Variants in WWC2 observed in about 807,000 individuals in gnomAD.
WWC2 encodes the protein protein WWC2.
WWC2 carries 101 observed loss-of-function variants against 138.5 expected under a neutral mutation model. The ratio of observed to expected loss-of-function variants is 0.73; its 90% CI spans 0.62 to 0.86. The LOEUF (loss-of-function observed/expected upper bound fraction) is 0.86. Among genes scored for constraint, WWC2 ranks in the 40% least tolerant of loss-of-function variants. The pLI, the probability that WWC2 is intolerant of heterozygous loss-of-function variation, is 0.00. For synonymous variants in WWC2, 558 were observed against 538.4 expected (o/e 1.04, Z -0.50); for missense variants, 1,420 against 1,419.4 (o/e 1.00, Z -0.01).
At chr4:183,252,290 T>C (rs1737002233) in intron 8 of WWC2, among the ~76,000 whole-genome samples, 1 of 152,260 alleles carries the variant, frequency 6.6e-6, no homozygotes, top group African/African-American at 2.4e-5. Flanking sequence ...AACGTTTTTC[T>C]GTAGAAACAT....
intron 1 of WWC2, among the ~76,000 whole-genome samples, chr4:183,133,695 C>T (rs1733015284): frequency 6.6e-6 from 1 of 152,160 alleles, no homozygotes; most frequent in Admixed American, 6.5e-5. Context: ...CGGGGTTTCA[C>T]CGTGTTGGCC....
At chr4:183,114,668 C>CT (rs72193297) in intron 1 of WWC2, among the ~76,000 whole-genome samples, 66,543 of 147,970 alleles carry the variant, frequency 0.45, 15,234 homozygotes, top group African/African-American at 0.57. Flanking sequence ...TGGAACATAC[C>CT]TTTTTTTTTT....
intron 5 of WWC2, among the ~76,000 whole-genome samples, chr4:183,242,437 C>G (rs1736651901): frequency 6.6e-6 from 1 of 152,120 alleles, no homozygotes; most frequent in South Asian, 2.1e-4. Flanking sequence ...TAGTTTTATA[C>G]TGGGTAGACA....
chr4:183,269,283 G>C, intron 15 of WWC2, 120 bp downstream of exon 15: 1 of 939,588 alleles, frequency 1.1e-6, no homozygotes, highest in South Asian at 1.6e-5. Flanking sequence ...CAACATCTTG[G>C]GATACATCTA....
chr4:183,192,818 C>A (rs1479754961), intron 1 of WWC2, among the ~76,000 whole-genome samples: 1 of 151,130 alleles, frequency 6.6e-6, no homozygotes, highest in Admixed American at 6.6e-5. Flanking sequence ...CTCCAGTAGC[C>A]AAGGAAAATC....
intron 1 of WWC2, among the ~76,000 whole-genome samples, chr4:183,103,412 C>T (rs1743244340): frequency 6.7e-6 from 1 of 149,074 alleles, no homozygotes; most frequent in South Asian, 2.1e-4. Flanking sequence ...CGGCTTACTG[C>T]GGCTCCCGGG....
At chr4:183,214,800 A>G (rs1447204437) in intron 4 of WWC2, among the ~76,000 whole-genome samples, 1 of 151,996 alleles carries the variant, frequency 6.6e-6, no homozygotes, top group Non-Finnish European at 1.5e-5. Context: ...AAAAAGAAAT[A>G]TGCCTTTGGA....
intron 21 of WWC2, among the ~76,000 whole-genome samples, chr4:183,300,635 A>G (rs1259633225): frequency 6.6e-6 from 1 of 152,184 alleles, no homozygotes; most frequent in Non-Finnish European, 1.5e-5. Context: ...TTGTGGAGAA[A>G]GATATAGGTA....
chr4:183,220,237 G>C (rs1314937962), intron 4 of WWC2, among the ~76,000 whole-genome samples: 4 of 152,112 alleles, frequency 2.6e-5, no homozygotes, highest in Admixed American at 2.6e-4. Context: ...CTAACACCCT[G>C]ATTTCAGCTT....
At chr4:183,269,991 G>T (rs1737648734) in intron 15 of WWC2, 1 of 152,544 alleles carries the variant, frequency 6.6e-6, no homozygotes, top group African/African-American at 2.4e-5. Context: ...GCTTTTCTCT[G>T]CAGTCCAGTG....
chr4:183,111,067 A>C (rs1388737090), intron 1 of WWC2, among the ~76,000 whole-genome samples: 1 of 152,004 alleles, frequency 6.6e-6, no homozygotes, highest in Non-Finnish European at 1.5e-5. Flanking sequence ...GTGAAACCCC[A>C]TCTCTACTAA....
chr4:183,212,300 A>C (rs1735620872), intron 4 of WWC2, among the ~76,000 whole-genome samples: 1 of 152,200 alleles, frequency 6.6e-6, no homozygotes, highest in South Asian at 2.1e-4. Flanking sequence ...TTATGAAGTC[A>C]TCATTCTATG....
At chr4:183,111,410 C>G (rs1732226808) in intron 1 of WWC2, among the ~76,000 whole-genome samples, 1 of 152,170 alleles carries the variant, frequency 6.6e-6, no homozygotes, top group Admixed American at 6.5e-5. Context: ...CATGTAGTTT[C>G]ATTTAGTGTG....
At chr4:183,166,730 T>C (rs545858259) in intron 1 of WWC2, among the ~76,000 whole-genome samples, 5 of 152,228 alleles carry the variant, frequency 3.3e-5, no homozygotes, top group African/African-American at 1.2e-4. Context: ...ATTACAGCCC[T>C]GGACCCTCAG....
At chr4:183,276,304 A>T (rs185216207) in intron 16 of WWC2, among the ~76,000 whole-genome samples, 1 of 151,960 alleles carries the variant, frequency 6.6e-6, no homozygotes, top group African/African-American at 2.4e-5. Flanking sequence ...TATTTAACTC[A>T]TTTACTTTTA....
rs76259635 is a variant in WWC2, at chr4:183,174,722, G to T, written c.132-18877G>T. 3.0e-4 allele frequency among the ~76,000 whole-genome samples: 46 copies of T among 152,068 alleles called. 1 individual carries two copies. In the East Asian group the frequency reaches 8.7e-3, roughly 29 times the overall value. On this transcript the variant is annotated intron_variant, in intron 1 of 22. Coordinates refer to ENST00000403733, the MANE Select transcript of WWC2 (RefSeq NM_024949.6). ...GAATGGACACCATTGTATATATCCTGCTCTTAGATCTGACAATTAACTTTT... is the reference window on the plus strand; with the variant it reads ...GAATGGACACCATTGTATATATCCTTCTCTTAGATCTGACAATTAACTTTT...
At chr4:183,309,485 CG>C (rs1739141720) in intron 21 of WWC2, among the ~76,000 whole-genome samples, 1 of 152,126 alleles carries the variant, frequency 6.6e-6, no homozygotes, top group African/African-American at 2.4e-5. Flanking sequence ...TATTTAACAT[CG>C]TATGTCAATA....
intron 1 of WWC2, among the ~76,000 whole-genome samples, chr4:183,183,380 A>T (rs1580024073): frequency 6.6e-6 from 1 of 151,684 alleles, no homozygotes; most frequent in Non-Finnish European, 1.5e-5. Context: ...TTTTTTTAAC[A>T]CTGCCAAATT....
chr4:183,203,325 A>AC (rs1735354077), intron 2 of WWC2, among the ~76,000 whole-genome samples: 1 of 151,814 alleles, frequency 6.6e-6, no homozygotes, highest in Admixed American at 6.6e-5. Flanking sequence ...CAATGCGGGT[A>AC]CCTCAGCCCT....
Sources: gnomAD v4.1 joint callset for allele counts (sites outside exome capture counted in the v4.1 genomes callset) on GRCh38, gnomAD v4.1.1 for gene constraint, MANE v1.5 for transcripts, NCBI Gene and HGNC (gene_info 2026-07-23, HGNC 2026-07-21) for gene names.